Variants in CAMTA1 observed in about 807,000 individuals in gnomAD.
CAMTA1 encodes the protein calmodulin-binding transcription activator 1.
CAMTA1 carries 27 observed loss-of-function variants against 170.9 expected under a neutral mutation model. The ratio of observed to expected loss-of-function variants is 0.16; its 90% CI spans 0.12 to 0.22. CAMTA1 has a LOEUF of 0.22. Among genes scored for constraint, CAMTA1 ranks in the 10% least tolerant of loss-of-function variants. The pLI is 1.00. For synonymous variants in CAMTA1, 833 were observed against 891.5 expected, an observed-to-expected ratio of 0.93 and a Z score of 1.17; for missense variants, 1,619 against 2,217.2, an observed-to-expected ratio of 0.73 and a Z score of 5.42.
chr1:6,886,049 A>C (rs977512111), intron 3 of CAMTA1, among the ~76,000 whole-genome samples: 3 of 152,100 alleles, frequency 2.0e-5, no homozygotes, highest in African/African-American at 7.2e-5. Context: ...ACTCCACTCA[A>C]GTGGGAGCTC....
chr1:7,447,021 C>T (rs2092697775), intron 5 of CAMTA1, among the ~76,000 whole-genome samples: 1 of 152,136 alleles, frequency 6.6e-6, no homozygotes, highest in African/African-American at 2.4e-5. Flanking sequence ...GGGGTTTGGG[C>T]CAGATGGAGG....
At chr1:7,252,762 G>T (rs943273866) in intron 5 of CAMTA1, among the ~76,000 whole-genome samples, 1 of 152,144 alleles carries the variant, frequency 6.6e-6, no homozygotes, top group African/African-American at 2.4e-5. Context: ...CTACCACCGG[G>T]GCTGTTTTCC....
Position 7,751,186 on chromosome 1 carries a change from G to A in CAMTA1, c.4690-13G>A, listed in dbSNP as rs749734196. ...TGTTGTTACTGTGTCGCTTGTTCTTGTTTCCCCTGCAGTACGCACTTTATA... is the reference window on the plus strand; with the variant it reads ...TGTTGTTACTGTGTCGCTTGTTCTTATTTCCCCTGCAGTACGCACTTTATA... On this transcript the variant is annotated splice_polypyrimidine_tract_variant and intron_variant, in intron 19 of 22. Transcript: ENST00000303635. 1 of 1,557,744 alleles carries A rather than the reference G, an allele frequency of 6.4e-7. No individual in the cohort carries two copies. Among genetic ancestry groups the A allele is most frequent in the Non-Finnish European group, 8.7e-7 (1 of 1,153,674 alleles).
intron 3 of CAMTA1, among the ~76,000 whole-genome samples, chr1:6,830,791 G>A (rs946025500): frequency 1.3e-5 from 2 of 151,868 alleles, no homozygotes; most frequent in African/African-American, 2.4e-5. Flanking sequence ...CCCATAAGTA[G>A]CTTGAGAGAG....
At chr1:7,604,361 T>A (rs1475032900) in intron 6 of CAMTA1, among the ~76,000 whole-genome samples, 1 of 152,248 alleles carries the variant, frequency 6.6e-6, no homozygotes, top group Non-Finnish European at 1.5e-5. Flanking sequence ...CCCATGTTTC[T>A]TGGAGGCTTG....
At chr1:7,245,026 A>G (rs74605071) in intron 4 of CAMTA1, among the ~76,000 whole-genome samples, 1,931 of 152,094 alleles carry the variant, frequency 0.013, 39 homozygotes, top group African/African-American at 0.045. Context: ...TGTGTCTGTT[A>G]GAATATTTTT....
chr1:7,428,570 C>T (rs1411356593), intron 5 of CAMTA1, among the ~76,000 whole-genome samples: 2 of 152,070 alleles, frequency 1.3e-5, no homozygotes, highest in Non-Finnish European at 2.9e-5. Context: ...GCAGTGGAGG[C>T]CCAGCACTGC....
intron 5 of CAMTA1, among the ~76,000 whole-genome samples, chr1:7,276,304 T>TATATATATATATATATATATATATATA (rs1553299266): frequency 2.0e-4 from 3 of 14,950 alleles, no homozygotes; most frequent in Admixed American, 9.4e-4. Context: ...TATATATATA[T>TATATATATATATATATATATATATATA]TTTTTTTTTT....
Position 7,610,585 on chromosome 1 carries a change from C to T in CAMTA1, c.511-29815C>T, listed in dbSNP as rs1026700752. ...TTCAAAAGTGACTGGGGGCAGACTC[C>T]GTGGCCCCTCCTATAGGCCTGTCAG... On this transcript the variant is annotated intron_variant, in intron 6 of 22. Coordinates refer to ENST00000303635, the MANE Select transcript of CAMTA1 (RefSeq NM_015215.4). 4.6e-5 allele frequency among the ~76,000 whole-genome samples: 7 copies of T among 152,202 alleles called. No individual in the cohort carries two copies. In the East Asian group the frequency reaches 5.8e-4, roughly 13 times the overall value.
intron 5 of CAMTA1, among the ~76,000 whole-genome samples, chr1:7,307,332 AT>A (rs34792044): frequency 0.92 from 139,146 of 150,604 alleles, 64,367 homozygotes; most frequent in East Asian, 0.99. Flanking sequence ...GAGTTCTAGG[AT>A]TTTTTTTTTT....
chr1:6,887,902 C>G lies in CAMTA1; in HGVS notation c.234+62692C>G. The G allele has an allele frequency of 7.3e-7, 1 of 1,374,836 alleles. No individual in the cohort carries two copies. Among genetic ancestry groups the G allele is most frequent in the Non-Finnish European group, 9.4e-7 (1 of 1,061,134 alleles). The allele number at this position is 1,374,836 out of a possible 1,614,324, so 85.2% of individuals were successfully genotyped here. A position where few individuals can be genotyped will look rare whatever the true frequency, so the allele number is the denominator to read the frequency against. ...TAAAGTGACCTACTCTTGCCTCATC[C>G]GGAGTTATTACGAAGGAGCTCCGCA... On this transcript the variant is annotated intron_variant, in intron 3 of 22. Transcript: ENST00000303635. This position sits in a 1 kb window ranked among gnomAD's most constrained non-coding sequence, Gnocchi z 4.1.
intron 5 of CAMTA1, among the ~76,000 whole-genome samples, chr1:7,280,855 G>A (rs993781153): frequency 1.3e-5 from 2 of 152,212 alleles, no homozygotes; most frequent in African/African-American, 4.8e-5. Context: ...CAATGGCGTG[G>A]TGCATCATGG....
At chr1:7,551,836 TC>T (rs1444402952) in intron 6 of CAMTA1, among the ~76,000 whole-genome samples, 2 of 152,154 alleles carry the variant, frequency 1.3e-5, no homozygotes, top group Admixed American at 6.5e-5. Context: ...GAAGGACACC[TC>T]TTAGGCTTCT....
intron 5 of CAMTA1, among the ~76,000 whole-genome samples, chr1:7,423,804 C>G (rs1557690362): frequency 6.6e-6 from 1 of 152,054 alleles, no homozygotes; most frequent in Non-Finnish European, 1.5e-5. Flanking sequence ...TGCACCTGCT[C>G]TTTTTTCATT....
intron 5 of CAMTA1, among the ~76,000 whole-genome samples, chr1:7,291,973 G>T (rs535406679): frequency 6.6e-6 from 1 of 152,318 alleles, no homozygotes; most frequent in East Asian, 1.9e-4. Context: ...CCATCTTAAA[G>T]CTGGTGTGTG....
Position 7,234,166 on chromosome 1 carries a change from C to T in CAMTA1, c.303-15325C>T, listed in dbSNP as rs1056999300. Among the ~76,000 whole-genome samples, 4 of 152,176 alleles carry T rather than the reference C, an allele frequency of 2.6e-5. No homozygotes were observed. Among genetic ancestry groups the T allele is most frequent in the African/African-American group, 4.8e-5 (2 of 41,446 alleles). Reference sequence around the variant, plus strand: ...GATTACTTGGGGTGAGCCGCTCTCTCGCCCCGTCTCCTGCCCCTGCCCTGT... The same window carrying T: ...GATTACTTGGGGTGAGCCGCTCTCTTGCCCCGTCTCCTGCCCCTGCCCTGT... On this transcript the variant is annotated intron_variant, in intron 4 of 22. Transcript: ENST00000303635. The surrounding 1 kb of genome is among the most constrained non-coding windows in gnomAD (Gnocchi z 5.0).
At chr1:6,839,922 C>T (rs970367015) in intron 3 of CAMTA1, among the ~76,000 whole-genome samples, 3 of 152,064 alleles carry the variant, frequency 2.0e-5, no homozygotes, top group Non-Finnish European at 4.4e-5. Context: ...GATTTTGGGT[C>T]GGGCACAGTG....
chr1:6,857,088 C>G (rs764853105), intron 3 of CAMTA1, among the ~76,000 whole-genome samples: 2 of 152,028 alleles, frequency 1.3e-5, no homozygotes, highest in African/African-American at 2.4e-5. Context: ...TTACAGCCAC[C>G]GTGTGGGGTG....
chr1:6,999,611 G>A (rs1223063311), intron 3 of CAMTA1, among the ~76,000 whole-genome samples: 2 of 152,102 alleles, frequency 1.3e-5, no homozygotes, highest in African/African-American at 4.8e-5. Flanking sequence ...TCGAACTACT[G>A]GGCTCGAGTG....
Sources: gnomAD v4.1 joint callset for allele counts (sites outside exome capture counted in the v4.1 genomes callset) on GRCh38, gnomAD v4.1.1 for gene constraint, Gnocchi (gnomAD v3.1) non-coding constraint, MANE v1.5 for transcripts, NCBI Gene and HGNC (gene_info 2026-07-23, HGNC 2026-07-21) for gene names.